EYS: variants seen among roughly 807,000 people sequenced by gnomAD.
The protein encoded by EYS is protein eyes shut homolog.
In EYS, 250 loss-of-function variants were observed where a neutral mutation model predicts 282.1. That is an observed-to-expected ratio of 0.89 (90% CI 0.80 to 0.98). The LOEUF (loss-of-function observed/expected upper bound fraction) is 0.98, where lower values mean the gene tolerates loss of function less well. Among genes scored for constraint, EYS ranks in the 50% least tolerant of loss-of-function variants. The pLI is 0.00. For synonymous variants in EYS, 1,355 were observed against 1,282.9 expected (o/e 1.06, Z -1.20); for missense variants, 4,016 against 3,709.0 (o/e 1.08, Z -2.15).
chr6:65,095,810 G>GGCTATTTCTCAAAA (rs1774722320), intron 12 of EYS, among the ~76,000 whole-genome samples: 1 of 151,024 alleles, frequency 6.6e-6, no homozygotes, highest in African/African-American at 2.4e-5. Flanking sequence ...ACATGATAAA[G>GGCTATTTCTCAAAA]ACTATATATG....
At chr6:64,326,270 A>G (rs1178703415) in intron 29 of EYS, among the ~76,000 whole-genome samples, 1 of 152,122 alleles carries the variant, frequency 6.6e-6, no homozygotes, top group African/African-American at 2.4e-5. Context: ...GACCTCATCT[A>G]TACTCCTCAA....
chr6:65,372,841 G>C (rs1426771211), intron 8 of EYS, among the ~76,000 whole-genome samples: 1 of 151,794 alleles, frequency 6.6e-6, no homozygotes, highest in Non-Finnish European at 1.5e-5. Context: ...AATTAATAAG[G>C]TTCTGACCTA....
chr6:65,494,003 A>G (rs1188600928), intron 4 of EYS, among the ~76,000 whole-genome samples: 1 of 152,150 alleles, frequency 6.6e-6, no homozygotes, highest in Non-Finnish European at 1.5e-5. Flanking sequence ...TAAATACCAT[A>G]ATCTTGGGAA....
At chr6:65,497,094 T>G (rs1173715823) in intron 2 of EYS, among the ~76,000 whole-genome samples, 1 of 152,070 alleles carries the variant, frequency 6.6e-6, no homozygotes, top group Non-Finnish European at 1.5e-5. Flanking sequence ...AATATATTAA[T>G]CACCTTGTTA....
intron 2 of EYS, among the ~76,000 whole-genome samples, chr6:65,624,534 G>A (rs569307808): frequency 6.6e-6 from 1 of 152,128 alleles, no homozygotes; most frequent in Non-Finnish European, 1.5e-5. Flanking sequence ...TTGTTCCTGG[G>A]TGTGTTTGTG....
At chr6:63,992,823 T>G (rs2149797536) in intron 34 of EYS, among the ~76,000 whole-genome samples, 1 of 151,832 alleles carries the variant, frequency 6.6e-6, no homozygotes, top group Non-Finnish European at 1.5e-5. Context: ...ATTGTTGGGC[T>G]TTGTGTCCCC....
intron 31 of EYS, among the ~76,000 whole-genome samples, chr6:64,090,660 A>G (rs920724146): frequency 6.6e-6 from 1 of 152,110 alleles, no homozygotes; most frequent in Non-Finnish European, 1.5e-5. Context: ...CTGAAAAAAC[A>G]TGCCTCTAAT....
At chr6:64,059,915 G>A (rs1469664056) in intron 33 of EYS, among the ~76,000 whole-genome samples, 2 of 152,114 alleles carry the variant, frequency 1.3e-5, no homozygotes, top group African/African-American at 2.4e-5. Context: ...TTGAGCTTGA[G>A]TTTTCCTGCA....
At chr6:64,139,088 T>C (rs1385909513) in intron 31 of EYS, among the ~76,000 whole-genome samples, 1 of 152,100 alleles carries the variant, frequency 6.6e-6, no homozygotes, top group East Asian at 1.9e-4. Context: ...ACAGCATATA[T>C]AAGTTTTAAT....
At chr6:64,505,998 T>TTCAACA (rs1458240280) in intron 26 of EYS, among the ~76,000 whole-genome samples, 1 of 152,156 alleles carries the variant, frequency 6.6e-6, no homozygotes, top group African/African-American at 2.4e-5. Flanking sequence ...ATGTGGTCCT[T>TTCAACA]TCAACATCAC....
chr6:64,120,357 T>TAAA lies in EYS; in HGVS notation c.6425-38358_6425-38356dup, dbSNP rs34632243. On this transcript the variant is annotated intron_variant, in intron 31 of 42. Coordinates refer to ENST00000503581, the MANE Select transcript of EYS (RefSeq NM_001142800.2). Reference sequence around the variant, plus strand: ...GGTGACAGAGCGAGACTCCATCTCTTAAAAAAAAAAAAAAAAAAAAAAAAA... The same window carrying TAAA: ...GGTGACAGAGCGAGACTCCATCTCTTAAAAAAAAAAAAAAAAAAAAAAAAAAAA... Among the ~76,000 whole-genome samples the TAAA allele has an allele frequency of 6.0e-3, 459 of 76,766 alleles. 8 individuals carry two copies. The highest frequency in any genetic ancestry group is 0.026 in the African/African-American group (424 of 16,528). 50.4% of individuals were successfully genotyped at this position (76,766 alleles called of 152,430 possible).
chr6:64,768,177 T>G (rs1212212174), intron 22 of EYS, among the ~76,000 whole-genome samples: 1 of 152,128 alleles, frequency 6.6e-6, no homozygotes, highest in African/African-American at 2.4e-5. Context: ...ATTCATGTAT[T>G]TCAATATATT....
At chr6:64,029,865 C>G (rs1360228113) in intron 33 of EYS, among the ~76,000 whole-genome samples, 1 of 152,242 alleles carries the variant, frequency 6.6e-6, no homozygotes, top group Non-Finnish European at 1.5e-5. Context: ...GTATGCTTAT[C>G]TAATCCTACA....
chr6:65,030,483 G>T (rs917583987), intron 13 of EYS, among the ~76,000 whole-genome samples: 1 of 152,108 alleles, frequency 6.6e-6, no homozygotes, highest in Admixed American at 6.6e-5. Context: ...TGTGTAGGCA[G>T]AACTCACTGC....
intron 35 of EYS, among the ~76,000 whole-genome samples, chr6:63,962,190 T>C (rs1379762357): frequency 6.6e-6 from 1 of 152,280 alleles, no homozygotes; most frequent in Admixed American, 6.5e-5. Context: ...ACTCAGGACA[T>C]AGGCATGGGC....
At chr6:63,843,086 T>C (rs1180987702) in intron 36 of EYS, among the ~76,000 whole-genome samples, 1 of 152,224 alleles carries the variant, frequency 6.6e-6, no homozygotes, top group Admixed American at 6.5e-5. Flanking sequence ...GTCTTGGCTA[T>C]ACAAGCTCTT....
intron 30 of EYS, among the ~76,000 whole-genome samples, chr6:64,248,650 A>C (rs537821205): frequency 8.3e-4 from 126 of 152,324 alleles, no homozygotes; most frequent in African/African-American, 3.0e-3. Context: ...TAAATTGTAC[A>C]GCTTCTATGG....
rs139802954 is a variant in EYS, at chr6:64,694,931, G to T, written c.3444-68686C>A. ...AGGCTGTGGGAGAGAGCCCCACTGG[G>T]TCAGGAGCAGGAGAGTAAAGCAGGC... On this transcript the variant is annotated intron_variant, in intron 22 of 42. Transcript: ENST00000503581. Among the ~76,000 whole-genome samples the T allele has an allele frequency of 8.3e-3, 1,261 of 152,186 alleles. 10 individuals carry two copies. Among genetic ancestry groups the T allele is most frequent in the Non-Finnish European group, 0.012 (807 of 68,008 alleles).
chr6:63,977,049 C>G (rs988341299), intron 35 of EYS, among the ~76,000 whole-genome samples: 1 of 151,358 alleles, frequency 6.6e-6, no homozygotes, highest in Non-Finnish European at 1.5e-5. Context: ...TATTATTACT[C>G]AAGTTAGCCT....
Sources: allele counts gnomAD v4.1 joint callset (sites outside exome capture counted in the v4.1 genomes callset), GRCh38; gene constraint gnomAD v4.1.1; transcripts MANE v1.5; gene names NCBI Gene and HGNC (gene_info 2026-07-23, HGNC 2026-07-21).